PRDM16: variants seen among roughly 807,000 people sequenced by gnomAD.
PRDM16 encodes PR/SET domain 16.
Under a neutral mutation model 110.6 loss-of-function variants are expected in PRDM16, and 23 were observed. The ratio of observed to expected loss-of-function variants is 0.21; its 90% CI spans 0.15 to 0.29. PRDM16 has a LOEUF of 0.29. PRDM16 is among the 10% of genes least tolerant of loss of function. PRDM16 has a pLI of 1.00. For synonymous variants in PRDM16, 799 were observed against 781.8 expected (o/e 1.02, Z -0.37); for missense variants, 1,615 against 1,794.3 (o/e 0.90, Z 1.81).
At chr1:3,410,577 C>T (rs1643668816) in intron 8 of PRDM16, among the ~76,000 whole-genome samples, 1 of 152,210 alleles carries the variant, frequency 6.6e-6, no homozygotes, top group South Asian at 2.1e-4. Flanking sequence ...CTGAGAACCT[C>T]AGGAACTGTC....
At position 3,155,282 on chromosome 1, in the gene PRDM16, G is replaced by A. The variant is rs1264868093; in HGVS notation, c.38-30843G>A. ...GGGGCCCATGGCTCCTTTCTTGGAG[G>A]GTTTTGAAAGAAAATAAAATAGGGG... On this transcript the variant is annotated intron_variant, in intron 1 of 16. Transcript: ENST00000270722. Among the ~76,000 whole-genome samples, 6 of 152,378 alleles carry A rather than the reference G, an allele frequency of 3.9e-5. No homozygotes were observed. The South Asian group carries it at 1.2e-3, about 32-fold the overall frequency.
intron 1 of PRDM16, among the ~76,000 whole-genome samples, chr1:3,160,669 G>A (rs537085804): frequency 5.3e-5 from 8 of 152,318 alleles, no homozygotes; most frequent in South Asian, 4.1e-4. Flanking sequence ...CTAGAACCCC[G>A]TCTGGGGCTG....
At chr1:3,380,759 T>G (rs1643088421) in intron 3 of PRDM16, among the ~76,000 whole-genome samples, 1 of 152,164 alleles carries the variant, frequency 6.6e-6, no homozygotes, top group Non-Finnish European at 1.5e-5. Flanking sequence ...AGAGGCTTAT[T>G]CTGCAAGGTG....
chr1:3,229,966 G>A (rs1464993680), intron 2 of PRDM16, among the ~76,000 whole-genome samples: 2 of 152,172 alleles, frequency 1.3e-5, no homozygotes, highest in African/African-American at 2.4e-5. Context: ...TGCAGGTGTC[G>A]GGACCAAAAG....
At chr1:3,231,629 T>C (rs1639418681) in intron 2 of PRDM16, among the ~76,000 whole-genome samples, 1 of 152,182 alleles carries the variant, frequency 6.6e-6, no homozygotes, top group Non-Finnish European at 1.5e-5. Context: ...GGAAGGAAGG[T>C]CGGAGGAACA....
chr1:3,285,864 GT>G (rs1458470704), intron 3 of PRDM16, among the ~76,000 whole-genome samples: 1 of 152,220 alleles, frequency 6.6e-6, no homozygotes, highest in Non-Finnish European at 1.5e-5. Context: ...GGTGGACTTT[GT>G]GGTTTTCATC....
At position 3,213,660 on chromosome 1, in the gene PRDM16, T is replaced by G. The variant is rs550867261; in HGVS notation, c.387+27186T>G. Reference sequence around the variant, plus strand: ...TCCATGAGATGCTCCAAGCTCCTCCTGTTCTTACCCAGCATTTCCCCAGGA... The same window carrying G: ...TCCATGAGATGCTCCAAGCTCCTCCGGTTCTTACCCAGCATTTCCCCAGGA... On this transcript the variant is annotated intron_variant, in intron 2 of 16. Coordinates refer to ENST00000270722, the MANE Select transcript of PRDM16 (RefSeq NM_022114.4). This position sits in a 1 kb window ranked among gnomAD's most constrained non-coding sequence, Gnocchi z 5.3. Among the ~76,000 whole-genome samples, 3 of 152,264 alleles carry G rather than the reference T, an allele frequency of 2.0e-5. No individual in the cohort carries two copies. Among genetic ancestry groups the G allele is most frequent in the African/African-American group, 4.8e-5 (2 of 41,552 alleles).
intron 3 of PRDM16, among the ~76,000 whole-genome samples, chr1:3,261,814 C>T (rs1454550332): frequency 6.6e-6 from 1 of 152,202 alleles, no homozygotes; most frequent in Non-Finnish European, 1.5e-5. Context: ...TGGCTCCGTT[C>T]AGAAACGTGC....
intron 1 of PRDM16, among the ~76,000 whole-genome samples, chr1:3,101,808 A>T (rs555181524): frequency 6.6e-6 from 1 of 152,136 alleles, no homozygotes; most frequent in Non-Finnish European, 1.5e-5. Flanking sequence ...CTTTCTATGT[A>T]TGGTGACATC....
At chr1:3,305,307 G>T (rs933844651) in intron 3 of PRDM16, among the ~76,000 whole-genome samples, 1 of 152,368 alleles carries the variant, frequency 6.6e-6, no homozygotes, top group Non-Finnish European at 1.5e-5. Context: ...GCAGAGTCCG[G>T]CACATGCAGG....
Position 3,411,757 on chromosome 1 carries a change from A to G in PRDM16, c.1560A>G (p.Pro520=). The G allele has an allele frequency of 6.2e-7, 1 of 1,611,502 alleles. No individual in the cohort carries two copies. The highest frequency in any genetic ancestry group is 8.5e-7 in the Non-Finnish European group (1 of 1,179,350). Residue 520 remains proline (P), a synonymous_variant, in exon 9 of 17, where the codon CCA becomes CCG. Coordinates refer to ENST00000270722, the MANE Select transcript of PRDM16 (RefSeq NM_022114.4). ...CCGGCTTCCCGGGCATCTTCCCTCC[A>G]TCCTTGTACCCCCGGCCGCCTCTGC... ...LTPGFPGIFP[P]SLYPRPPLLP...
chr1:3,152,397 C>T lies in PRDM16; in HGVS notation c.38-33728C>T, dbSNP rs541398543. Among the ~76,000 whole-genome samples, 947 of 124,520 alleles carry T rather than the reference C, an allele frequency of 7.6e-3. 13 individuals are homozygous for T. Among genetic ancestry groups the T allele is most frequent in the African/African-American group, 0.036 (903 of 24,980 alleles). The allele number at this position is 124,520 out of a possible 152,430, so 81.7% of individuals were successfully genotyped here. ...CCATCCATCCATTTATCCATCCATC[C>T]ATCCATTTATCCATCCATCCATCCA... On this transcript the variant is annotated intron_variant, in intron 1 of 16. Transcript: ENST00000270722.
At chr1:3,356,383 G>A (rs891722216) in intron 3 of PRDM16, among the ~76,000 whole-genome samples, 14 of 152,204 alleles carry the variant, frequency 9.2e-5, no homozygotes, top group Non-Finnish European at 1.9e-4. Flanking sequence ...GTCTCATCAG[G>A]CGGAGGGAGG....
intron 14 of PRDM16, 126 bp downstream of exon 14, chr1:3,426,351 G>A: frequency 1.4e-6 from 1 of 717,182 alleles, no homozygotes; most frequent in Non-Finnish European, 2.2e-6. Flanking sequence ...GCGCAGTGGG[G>A]GCCTCACCAC....
chr1:3,363,091 C>T (rs1489098728), intron 3 of PRDM16, among the ~76,000 whole-genome samples: 1 of 152,216 alleles, frequency 6.6e-6, no homozygotes. Flanking sequence ...GCCTTTCTGA[C>T]TGGGCAAGGC....
At chr1:3,164,585 G>A (rs371782131) in intron 1 of PRDM16, among the ~76,000 whole-genome samples, 3 of 152,216 alleles carry the variant, frequency 2.0e-5, no homozygotes, top group Admixed American at 6.5e-5. Context: ...AAACTTTCCC[G>A]GTGTGTAGCC....
intron 3 of PRDM16, among the ~76,000 whole-genome samples, chr1:3,324,987 C>T (rs1641855841): frequency 6.6e-6 from 1 of 152,186 alleles, no homozygotes; most frequent in Non-Finnish European, 1.5e-5. Flanking sequence ...CTGAGCAGAG[C>T]TCTGGTCACC....
At chr1:3,275,509 T>C (rs1230582457) in intron 3 of PRDM16, among the ~76,000 whole-genome samples, 5 of 152,096 alleles carry the variant, frequency 3.3e-5, no homozygotes, top group African/African-American at 1.2e-4. Context: ...GACAAACAGT[T>C]GTCAGGCACT....
At chr1:3,362,815 A>G (rs1173863980) in intron 3 of PRDM16, among the ~76,000 whole-genome samples, 1 of 152,162 alleles carries the variant, frequency 6.6e-6, no homozygotes, top group African/African-American at 2.4e-5. Flanking sequence ...GACCTGCTCC[A>G]GGGAGCGTCG....
Sources: allele counts gnomAD v4.1 joint callset (sites outside exome capture counted in the v4.1 genomes callset), GRCh38; gene constraint gnomAD v4.1.1; non-coding constraint Gnocchi (gnomAD v3.1); transcripts MANE v1.5; gene names NCBI Gene and HGNC (gene_info 2026-07-23, HGNC 2026-07-21).